The following NTRK2 variants were observed in gnomAD, a reference collection of about 807,000 sequenced individuals.
NTRK2 encodes neurotrophic receptor tyrosine kinase 2, also known as BDNF/NT-3 growth factors receptor.
Under a neutral mutation model 94.5 loss-of-function variants are expected in NTRK2, and 13 were observed. The observed-to-expected ratio is 0.14, with a 90% CI of 0.09 to 0.22. The LOEUF (loss-of-function observed/expected upper bound fraction) is 0.22. Among genes scored for constraint, NTRK2 ranks in the 10% least tolerant of loss-of-function variants. The pLI is 1.00. For synonymous variants in NTRK2, 372 were observed against 407.4 expected, an observed-to-expected ratio of 0.91 and a Z score of 1.05; for missense variants, 639 against 1,071.2, an observed-to-expected ratio of 0.60 and a Z score of 5.63.
intron 12 of NTRK2, among the ~76,000 whole-genome samples, chr9:84,800,693 G>A (rs1326920193): frequency 6.6e-6 from 1 of 152,190 alleles, no homozygotes; most frequent in Non-Finnish European, 1.5e-5. Context: ...GCATTTGCCA[G>A]CATTCAGACA....
chr9:85,017,131 G>A (rs1832322652), intron 17 of NTRK2, among the ~76,000 whole-genome samples: 1 of 152,186 alleles, frequency 6.6e-6, no homozygotes, highest in South Asian at 2.1e-4. Context: ...GAAGAGTTCA[G>A]GAGAGTGACA....
At chr9:84,779,583 G>A (rs1037757003) in intron 12 of NTRK2, among the ~76,000 whole-genome samples, 4 of 152,210 alleles carry the variant, frequency 2.6e-5, no homozygotes, top group African/African-American at 9.7e-5. Context: ...TGCAAAAGGG[G>A]CAGAATTCTC....
chr9:84,875,628 A>T (rs1446765686), intron 14 of NTRK2: 1 of 1,060,210 alleles, frequency 9.4e-7, no homozygotes, highest in Non-Finnish European at 1.1e-6. Flanking sequence ...ATGTTTAGGG[A>T]TGCCTTCACT....
chr9:84,981,718 C>T (rs377070756), intron 17 of NTRK2, among the ~76,000 whole-genome samples: 5 of 152,204 alleles, frequency 3.3e-5, no homozygotes, highest in African/African-American at 1.2e-4. Flanking sequence ...TTTACTTTGG[C>T]TATTATGTCC....
At chr9:84,867,485 C>A (rs1265040810) in intron 14 of NTRK2, 54 bp downstream of exon 14, 3 of 1,468,134 alleles carry the variant, frequency 2.0e-6, no homozygotes, top group African/African-American at 1.4e-5. Flanking sequence ...CTGTATCAAC[C>A]AGAGTGTTTA....
chr9:84,877,571 G>A, intron 14 of NTRK2: 1 of 1,066,364 alleles, frequency 9.4e-7, no homozygotes. Flanking sequence ...CATTGCACTG[G>A]TCTCAACCAT....
At chr9:84,703,120 A>G (rs1173474860) in intron 4 of NTRK2, among the ~76,000 whole-genome samples, 1 of 152,138 alleles carries the variant, frequency 6.6e-6, no homozygotes, top group Non-Finnish European at 1.5e-5. Flanking sequence ...ACTAAAGATC[A>G]CCTAAGTGCA....
At chr9:84,996,302 A>G (rs1829742020) in intron 17 of NTRK2, among the ~76,000 whole-genome samples, 1 of 152,206 alleles carries the variant, frequency 6.6e-6, no homozygotes, top group Non-Finnish European at 1.5e-5. Flanking sequence ...CTTGGCAGTG[A>G]CCTCCATTAT....
At chr9:84,686,796 G>C (rs2059744379) in intron 2 of NTRK2, among the ~76,000 whole-genome samples, 1 of 152,080 alleles carries the variant, frequency 6.6e-6, no homozygotes, top group African/African-American at 2.4e-5. Flanking sequence ...AGTTTTGATA[G>C]GTGCTTGCAA....
At chr9:84,820,099 A>T (rs1330731616) in intron 12 of NTRK2, among the ~76,000 whole-genome samples, 1 of 152,112 alleles carries the variant, frequency 6.6e-6, no homozygotes, top group African/African-American at 2.4e-5. Context: ...CACATTTGAA[A>T]ATATGAGTAT....
chr9:85,021,323 G>A lies in NTRK2; in HGVS notation c.2403G>A (p.Leu801=), dbSNP rs2118008411. ...CGTGCCCCCAGGAGGTGTATGAGCT[G>A]ATGCTGGGGTGCTGGCAGCGAGAGC... The part of the protein sequence containing the change: ...PRTCPQEVYE[L]MLGCWQREPH... The change falls in exon 19 of 19, where the codon CTG becomes CTA. Residue 801 remains leucine, a synonymous_variant. Transcript: ENST00000277120. 1 of 1,614,168 alleles carries A rather than the reference G, an allele frequency of 6.2e-7. No individual in the cohort carries two copies. Among genetic ancestry groups the A allele is most frequent in the Non-Finnish European group, 8.5e-7 (1 of 1,180,018 alleles).
intron 11 of NTRK2, among the ~76,000 whole-genome samples, chr9:84,748,548 G>A (rs138717642): frequency 1.8e-4 from 27 of 152,304 alleles, no homozygotes; most frequent in South Asian, 6.2e-4. Flanking sequence ...GGTGTCCTGT[G>A]AACGCAGGGA....
At chr9:84,942,307 A>G (rs1004218145) in intron 15 of NTRK2, among the ~76,000 whole-genome samples, 3 of 152,248 alleles carry the variant, frequency 2.0e-5, no homozygotes, top group Non-Finnish European at 4.4e-5. Context: ...TAAGAATTTG[A>G]TAGACACTTC....
intron 12 of NTRK2, among the ~76,000 whole-genome samples, chr9:84,764,082 A>G (rs1298243579): frequency 6.6e-6 from 1 of 152,224 alleles, no homozygotes; most frequent in Non-Finnish European, 1.5e-5. Flanking sequence ...AGAAAACATC[A>G]CAGAAGATGA....
chr9:84,730,271 G>A (rs1211924696), intron 9 of NTRK2, among the ~76,000 whole-genome samples: 1 of 152,218 alleles, frequency 6.6e-6, no homozygotes, highest in Non-Finnish European at 1.5e-5. Context: ...GGCCCAGGGT[G>A]ACAGTGGATA....
chr9:84,896,354 G>A (rs2076758150), intron 14 of NTRK2, among the ~76,000 whole-genome samples: 2 of 152,136 alleles, frequency 1.3e-5, no homozygotes, highest in Non-Finnish European at 2.9e-5. Context: ...CTGAAACACT[G>A]CCCAGCACAG....
At chr9:84,760,324 GTAGT>G (rs1403424105) in intron 12 of NTRK2, among the ~76,000 whole-genome samples, 1 of 152,120 alleles carries the variant, frequency 6.6e-6, no homozygotes, top group East Asian at 1.9e-4. Context: ...TCTCTAAGAG[GTAGT>G]TACTTTTCAG....
chr9:84,988,853 C>T (rs1409574447), intron 17 of NTRK2, among the ~76,000 whole-genome samples: 1 of 152,246 alleles, frequency 6.6e-6, no homozygotes, highest in Non-Finnish European at 1.5e-5. Flanking sequence ...ACTGTGCCAA[C>T]CCACAGGCCA....
At chr9:84,992,981 C>T (rs1042286356) in intron 17 of NTRK2, among the ~76,000 whole-genome samples, 2 of 151,568 alleles carry the variant, frequency 1.3e-5, no homozygotes, top group Non-Finnish European at 2.9e-5. Context: ...AGTGAAACCT[C>T]TCTGGAAATC....
Sources: gnomAD v4.1 joint callset for allele counts (sites outside exome capture counted in the v4.1 genomes callset) on GRCh38, gnomAD v4.1.1 for gene constraint, MANE v1.5 for transcripts, NCBI Gene and HGNC (gene_info 2026-07-23, HGNC 2026-07-21) for gene names.